GALNTL6: variants seen among roughly 807,000 people sequenced by gnomAD.
GALNTL6 encodes the protein polypeptide N-acetylgalactosaminyltransferase-like 6.
GALNTL6 carries 46 observed loss-of-function variants against 73.7 expected under a neutral mutation model. That is an observed-to-expected ratio of 0.62 (90% CI 0.49 to 0.80). The LOEUF (loss-of-function observed/expected upper bound fraction) is 0.80, where lower values mean the gene tolerates loss of function less well. Among genes scored for constraint, GALNTL6 ranks in the 30% least tolerant of loss-of-function variants. The pLI is 0.00. For missense variants in GALNTL6, 604 were observed against 755.0 expected (o/e 0.80, Z 2.34); for synonymous variants, 259 against 263.7 (o/e 0.98, Z 0.17).
chr4:172,079,618 T>G (rs1056482338), intron 2 of GALNTL6, among the ~76,000 whole-genome samples: 1 of 152,118 alleles, frequency 6.6e-6, no homozygotes, highest in Non-Finnish European at 1.5e-5. Flanking sequence ...CTGTAATAAG[T>G]TAAATCTTGG....
intron 2 of GALNTL6, among the ~76,000 whole-genome samples, chr4:171,861,384 C>T (rs1735827602): frequency 6.6e-6 from 1 of 152,158 alleles, no homozygotes; most frequent in South Asian, 2.1e-4. Flanking sequence ...GTATGATAAT[C>T]AAATAAAATA....
chr4:172,709,909 A>G (rs1418838055), intron 5 of GALNTL6, among the ~76,000 whole-genome samples: 2 of 152,108 alleles, frequency 1.3e-5, no homozygotes, highest in East Asian at 3.9e-4. Context: ...AAATGATTGT[A>G]CCGCATTGAC....
chr4:172,287,224 T>C (rs1190988300), intron 3 of GALNTL6, among the ~76,000 whole-genome samples: 1 of 152,198 alleles, frequency 6.6e-6, no homozygotes, highest in Non-Finnish European at 1.5e-5. Context: ...GGAAGAGGAA[T>C]GTATCCATGT....
chr4:171,824,049 G>C (rs1053043580), intron 2 of GALNTL6, among the ~76,000 whole-genome samples: 3 of 142,054 alleles, frequency 2.1e-5, no homozygotes, highest in Non-Finnish European at 4.5e-5. Flanking sequence ...GTATTAAACT[G>C]CTCTTAAGTC....
intron 2 of GALNTL6, among the ~76,000 whole-genome samples, chr4:171,911,656 G>A (rs1381019911): frequency 6.6e-6 from 1 of 152,148 alleles, no homozygotes; most frequent in Non-Finnish European, 1.5e-5. Context: ...AGAGGATAAG[G>A]AAAGTGTAGA....
chr4:172,981,686 T>A (rs1278899942), intron 10 of GALNTL6, among the ~76,000 whole-genome samples: 1 of 152,060 alleles, frequency 6.6e-6, no homozygotes, highest in East Asian at 1.9e-4. Flanking sequence ...TTTGGGTCCC[T>A]TGAGATTCCA....
At chr4:172,056,134 A>G (rs1731012789) in intron 2 of GALNTL6, among the ~76,000 whole-genome samples, 1 of 152,186 alleles carries the variant, frequency 6.6e-6, no homozygotes, top group Non-Finnish European at 1.5e-5. Context: ...TTGACTTAAA[A>G]TTCTGACACT....
At chr4:171,888,942 A>G (rs972082753) in intron 2 of GALNTL6, among the ~76,000 whole-genome samples, 1 of 152,108 alleles carries the variant, frequency 6.6e-6, no homozygotes, top group Non-Finnish European at 1.5e-5. Context: ...GTTCTTTGCC[A>G]AAAAATAAGT....
chr4:172,775,653 A>G (rs1458572911), intron 5 of GALNTL6, among the ~76,000 whole-genome samples: 1 of 152,120 alleles, frequency 6.6e-6, no homozygotes, highest in Non-Finnish European at 1.5e-5. Context: ...CTCCCCAATA[A>G]TGCTGAATTC....
intron 5 of GALNTL6, among the ~76,000 whole-genome samples, chr4:172,487,300 GTCTTTCTTTCTTTCTTTCTTTCTTTCTT>G (rs1212706952): frequency 4.2e-5 from 5 of 118,728 alleles, no homozygotes; most frequent in South Asian, 3.1e-4. Context: ...CTTTCCTTCT[GTCTTTCTTTCTTTCTTTCTTTCTTTCTT>G]TCTTTCTTTC....
At chr4:172,095,954 A>T (rs1732340130) in intron 2 of GALNTL6, among the ~76,000 whole-genome samples, 1 of 151,658 alleles carries the variant, frequency 6.6e-6, no homozygotes, top group African/African-American at 2.4e-5. Flanking sequence ...TAGATAATTT[A>T]TTTTTTCCCA....
chr4:172,016,350 T>C (rs911454768), intron 2 of GALNTL6, among the ~76,000 whole-genome samples: 5 of 152,150 alleles, frequency 3.3e-5, no homozygotes, highest in African/African-American at 1.2e-4. Context: ...CTTGTTCTAG[T>C]CTATTGTTGA....
At chr4:172,991,447 G>A (rs1751536694) in intron 10 of GALNTL6, among the ~76,000 whole-genome samples, 1 of 151,750 alleles carries the variant, frequency 6.6e-6, no homozygotes, top group South Asian at 2.1e-4. Context: ...CACCCAGGCT[G>A]CAGTGCAGTG....
chr4:173,018,829 G>A (rs1473878175), intron 11 of GALNTL6, among the ~76,000 whole-genome samples: 2 of 152,254 alleles, frequency 1.3e-5, no homozygotes, highest in African/African-American at 2.4e-5. Flanking sequence ...AGGCCAGATT[G>A]TGGAGCGTTC....
At chr4:172,212,437 G>T (rs745546350) in intron 2 of GALNTL6, among the ~76,000 whole-genome samples, 1 of 152,132 alleles carries the variant, frequency 6.6e-6, no homozygotes, top group African/African-American at 2.4e-5. Flanking sequence ...CAGATTAGAG[G>T]CATGAGTTAC....
chr4:171,823,946 A>G (rs926023384), intron 2 of GALNTL6, among the ~76,000 whole-genome samples: 5 of 150,852 alleles, frequency 3.3e-5, no homozygotes, highest in African/African-American at 1.2e-4. Flanking sequence ...TAAAGTGATT[A>G]TAATAAAACA....
intron 5 of GALNTL6, among the ~76,000 whole-genome samples, chr4:172,762,968 C>A (rs1444379417): frequency 6.6e-6 from 1 of 151,676 alleles, no homozygotes; most frequent in East Asian, 1.9e-4. Context: ...ACTCTCAAGT[C>A]TGCCATATGA....
intron 5 of GALNTL6, among the ~76,000 whole-genome samples, chr4:172,444,818 C>G (rs985902198): frequency 6.6e-6 from 1 of 151,976 alleles, no homozygotes; most frequent in Non-Finnish European, 1.5e-5. Flanking sequence ...GTTCTTAAAT[C>G]CTGAACACAT....
At chr4:172,239,140 C>T (rs1298604498) in intron 3 of GALNTL6, among the ~76,000 whole-genome samples, 1 of 152,112 alleles carries the variant, frequency 6.6e-6, no homozygotes, top group Non-Finnish European at 1.5e-5. Flanking sequence ...GGAATCTCTC[C>T]TACTCAACTT....
Sources: allele counts gnomAD v4.1 joint callset (sites outside exome capture counted in the v4.1 genomes callset), GRCh38; gene constraint gnomAD v4.1.1; transcripts MANE v1.5; gene names NCBI Gene and HGNC (gene_info 2026-07-23, HGNC 2026-07-21).